Variants in ITGB3 observed in about 807,000 individuals in gnomAD.
The protein encoded by ITGB3 is integrin subunit beta 3, also known as integrin beta-3.
A neutral mutation model predicts 85.8 loss-of-function variants in ITGB3; 48 were observed. The ratio of observed to expected loss-of-function variants is 0.56; its 90% confidence interval spans 0.44 to 0.71. The LOEUF is 0.71. Among genes scored for constraint, ITGB3 ranks in the 30% least tolerant of loss-of-function variants. The pLI is 0.00. For missense variants in ITGB3, 861 were observed against 1,019.1 expected, an observed-to-expected ratio of 0.84 and a Z score of 2.11; for synonymous variants, 363 against 395.6, an observed-to-expected ratio of 0.92 and a Z score of 0.98.
chr17:47,257,360 G>C (rs1459498002), intron 1 of ITGB3, among the ~76,000 whole-genome samples: 1 of 152,012 alleles, frequency 6.6e-6, no homozygotes, highest in Non-Finnish European at 1.5e-5. Context: ...AAGCCAAGAA[G>C]GAAAAAGGCT....
intron 6 of ITGB3, 108 bp downstream of exon 6, chr17:47,287,339 G>A: frequency 1.5e-6 from 2 of 1,313,172 alleles, no homozygotes; most frequent in Non-Finnish European, 2.2e-6. Context: ...CTTCTGGGCA[G>A]GGTGCAGGGC....
chr17:47,308,376 A>C (rs571912800), intron 14 of ITGB3, among the ~76,000 whole-genome samples: 15 of 152,178 alleles, frequency 9.9e-5, no homozygotes, highest in Non-Finnish European at 2.1e-4. Flanking sequence ...AAATGTCCAG[A>C]GTTAGGCTGC....
At chr17:47,259,973 G>A (rs758912323) in intron 1 of ITGB3, among the ~76,000 whole-genome samples, 2 of 152,270 alleles carry the variant, frequency 1.3e-5, no homozygotes, top group Middle Eastern at 3.4e-3. Context: ...ATTGTCAGTC[G>A]TTAAAATTGC....
At position 47,299,031 on chromosome 17, in the gene ITGB3, A is replaced by AAGGGCAAGAGAG. The variant is rs143731565; in HGVS notation, c.1691-266_1691-255dup. The stretch of plus-strand genomic sequence containing the variant: ...TCTCAGAAGGCAGAGGTATTCAGAA[A>AAGGGCAAGAGAG]AGGGCAAGAGAGAGGGCAAGAGGCC... On this transcript the variant is annotated intron_variant, in intron 10 of 14. Coordinates refer to ENST00000559488, the MANE Select transcript of ITGB3 (RefSeq NM_000212.3). The surrounding 1 kb of genome is among the most constrained non-coding windows in gnomAD (Gnocchi z 5.1). Among the ~76,000 whole-genome samples the AAGGGCAAGAGAG allele has an allele frequency of 2.0e-5, 3 of 152,192 alleles. No individual in the cohort carries two copies. The highest frequency in any genetic ancestry group is 4.8e-5 in the African/African-American group (2 of 41,462).
intron 10 of ITGB3, among the ~76,000 whole-genome samples, chr17:47,296,942 C>A (rs149184556): frequency 7.2e-5 from 11 of 152,288 alleles, no homozygotes; most frequent in African/African-American, 2.6e-4. Flanking sequence ...ATCCACCCTT[C>A]GCTTAAATAG....
chr17:47,272,545 A>T (rs1449144869), intron 1 of ITGB3, among the ~76,000 whole-genome samples: 1 of 152,192 alleles, frequency 6.6e-6, no homozygotes, highest in Non-Finnish European at 1.5e-5. Flanking sequence ...GCCAAATAAT[A>T]GGTACATACT....
Position 47,299,652 on chromosome 17 carries a change from C to A in ITGB3, c.1913+122C>A, listed in dbSNP as rs1432430054. 1.1e-6 allele frequency: 1 copy of A among 921,434 alleles called. No homozygotes were observed. 57.1% of individuals were successfully genotyped at this position (921,434 alleles called of 1,614,324 possible). On this transcript the variant is annotated intron_variant, in intron 11 of 14. Coordinates refer to ENST00000559488, the MANE Select transcript of ITGB3 (RefSeq NM_000212.3). The surrounding 1 kb of genome is among the most constrained non-coding windows in gnomAD (Gnocchi z 5.1). ...AGAGCCTTAGGGAGAGGAGTCCACT[C>A]CAGCCAGATGGCTGTCTCTCCTTTT...
chr17:47,271,944 G>A (rs1350876919), intron 1 of ITGB3, among the ~76,000 whole-genome samples: 9 of 78,114 alleles, frequency 1.2e-4, no homozygotes, highest in African/African-American at 5.0e-4. Flanking sequence ...TAATAGAGAC[G>A]GGGTTTCACC....
intron 5 of ITGB3, 135 bp downstream of exon 5, chr17:47,286,557 A>T (rs569099220): frequency 8.8e-5 from 95 of 1,079,002 alleles, no homozygotes; most frequent in Middle Eastern, 2.9e-4. Flanking sequence ...TATGAGTAGT[A>T]AGTTGCTCCT....
At chr17:47,294,531 C>T (rs117428159) in intron 10 of ITGB3, among the ~76,000 whole-genome samples, 2,113 of 152,366 alleles carry the variant, frequency 0.014, 26 homozygotes, top group Non-Finnish European at 0.02. Flanking sequence ...AACAGCTCCT[C>T]CTCAGTGCAT....
Position 47,283,451 on chromosome 17 carries a change from G to C in ITGB3, c.263G>C (p.Arg88Pro). 1 of 1,614,196 alleles carries C rather than the reference G, an allele frequency of 6.2e-7. No individual in the cohort carries two copies. Among genetic ancestry groups the C allele is most frequent in the Non-Finnish European group, 8.5e-7 (1 of 1,180,034 alleles). Residue 88 changes from arginine (R) to proline (P), a missense_variant, in exon 3 of 15, where the codon CGA (arginine) becomes CCA (proline). Physicochemically the swap from Arg to Pro is moderately radical, Grantham distance 103. Coordinates refer to ENST00000559488, the MANE Select transcript of ITGB3 (RefSeq NM_000212.3). Reference sequence around the variant, plus strand: ...ATCGAGTTCCCAGTGAGTGAGGCCCGAGTACTAGAGGACAGGCCCCTCAGC... The same window carrying C: ...ATCGAGTTCCCAGTGAGTGAGGCCCCAGTACTAGAGGACAGGCCCCTCAGC... ...ESIEFPVSEARVLEDRPLSDK... is the reference protein window; with the variant it reads ...ESIEFPVSEAPVLEDRPLSDK...
intron 1 of ITGB3, among the ~76,000 whole-genome samples, chr17:47,256,893 C>A (rs1263721394): frequency 6.6e-6 from 1 of 152,100 alleles, no homozygotes; most frequent in Non-Finnish European, 1.5e-5. Context: ...ATCCTCAGGT[C>A]CTGGAGAAAC....
chr17:47,280,693 G>T (rs1450563630), intron 2 of ITGB3, among the ~76,000 whole-genome samples: 1 of 152,060 alleles, frequency 6.6e-6, no homozygotes, highest in African/African-American at 2.4e-5. Flanking sequence ...GCTCCTTGTG[G>T]CCCAGTCCCT....
Position 47,311,787 on chromosome 17 carries a change from A to T in ITGB3, c.*1583A>T, listed in dbSNP as rs1294223838. The T allele has an allele frequency of 6.6e-6, 1 of 152,262 alleles. No homozygotes were observed. Among genetic ancestry groups the T allele is most frequent in the Non-Finnish European group, 1.5e-5 (1 of 68,048 alleles). The allele number at this position is 152,262 out of a possible 1,614,324, so 9.4% of individuals were successfully genotyped here. On this transcript the variant is annotated 3_prime_UTR_variant, in exon 15 of 15. Transcript: ENST00000559488. ...CCACCCCCAAATGCCCAAGAAAAAA[A>T]GAAAGACTTATCAACATTTGTTCCA...
rs576670762 is a variant in ITGB3, at chr17:47,263,127, GACGTGA to G, written c.79+9188_79+9193del. On this transcript the variant is annotated intron_variant, in intron 1 of 14. Transcript: ENST00000559488. ...CAGAGGAAGGGCAAAGATGGCTTTA[GACGTGA>G]GGTTTCCTGCTGCTTTGCATGCTTT... Among the ~76,000 whole-genome samples the G allele has an allele frequency of 1.7e-3, 259 of 152,298 alleles. 2 individuals are homozygous for G. The highest frequency in any genetic ancestry group is 5.9e-3 in the African/African-American group (246 of 41,556).
intron 8 of ITGB3, 82 bp downstream of exon 8, chr17:47,290,356 C>A: frequency 8.6e-7 from 1 of 1,159,438 alleles, no homozygotes; most frequent in Non-Finnish European, 1.3e-6. Context: ...TTGTGAGTCC[C>A]AGTTGCCAGT....
At chr17:47,261,908 T>G (rs2065009980) in intron 1 of ITGB3, among the ~76,000 whole-genome samples, 1 of 152,252 alleles carries the variant, frequency 6.6e-6, no homozygotes, top group Non-Finnish European at 1.5e-5. Context: ...ATTCTAGCCA[T>G]AAGGCATACT....
At chr17:47,261,023 G>A (rs879478869) in intron 1 of ITGB3, among the ~76,000 whole-genome samples, 3 of 152,158 alleles carry the variant, frequency 2.0e-5, no homozygotes, top group Non-Finnish European at 2.9e-5. Context: ...GATGACATAC[G>A]GTTATTAACT....
rs1376454415 is a variant in ITGB3, at chr17:47,283,674, GA to G, written c.361+126del. 2.8e-5 allele frequency: 25 copies of G among 898,832 alleles called. No homozygotes were observed. The Admixed American group carries it at 4.5e-4, about 16-fold the overall frequency. The allele number at this position is 898,832 out of a possible 1,614,324, so 55.7% of individuals were successfully genotyped here. A position where few individuals can be genotyped will look rare whatever the true frequency, so the allele number is the denominator to read the frequency against. On this transcript the variant is annotated intron_variant, in intron 3 of 14. Coordinates refer to ENST00000559488, the MANE Select transcript of ITGB3 (RefSeq NM_000212.3). The stretch of plus-strand genomic sequence containing the variant: ...GGAAATGGGGTGGGAAGACAAGGAT[GA>G]GGGGGGAGGTGTGGGCAAGAGAATG...
Sources: gnomAD v4.1 joint callset for allele counts (sites outside exome capture counted in the v4.1 genomes callset) on GRCh38, gnomAD v4.1.1 for gene constraint, Gnocchi (gnomAD v3.1) non-coding constraint, MANE v1.5 for transcripts, NCBI Gene and HGNC (gene_info 2026-07-23, HGNC 2026-07-21) for gene names.